NTN1: variants seen among roughly 807,000 people sequenced by gnomAD.
The protein encoded by NTN1 is netrin-1.
NTN1 carries 11 observed loss-of-function variants against 54.2 expected under a neutral mutation model. The observed-to-expected ratio is 0.20, with a 90% CI of 0.13 to 0.34. The LOEUF (loss-of-function observed/expected upper bound fraction) is 0.34. Among genes scored for constraint, NTN1 ranks in the 10% least tolerant of loss-of-function variants. The probability of loss-of-function intolerance (pLI) is 1.00; values close to 1 mark genes in which losing one functional copy is unlikely to be tolerated. For missense variants in NTN1, 740 were observed against 893.1 expected, an observed-to-expected ratio of 0.83 and a Z score of 2.18; for synonymous variants, 371 against 382.0, an observed-to-expected ratio of 0.97 and a Z score of 0.33.
Position 9,165,684 on chromosome 17 carries a change from C to T in NTN1, c.1207+2683C>T, listed in dbSNP as rs2092371307. Among the ~76,000 whole-genome samples the T allele has an allele frequency of 6.6e-6, 1 of 152,132 alleles. No homozygotes were observed. The highest frequency in any genetic ancestry group is 2.4e-5 in the African/African-American group (1 of 41,428). On this transcript the variant is annotated intron_variant, in intron 3 of 6. Coordinates refer to ENST00000173229, the MANE Select transcript of NTN1 (RefSeq NM_004822.3). This position sits in a 1 kb window ranked among gnomAD's most constrained non-coding sequence, Gnocchi z 4.5. ...GTGCCTGTTGACTGGGGAGGAATGA[C>T]AGTGTTTCAAGGAAACTGCCATCAG...
chr17:9,140,276 G>A (rs1456583553), intron 2 of NTN1, among the ~76,000 whole-genome samples: 1 of 152,182 alleles, frequency 6.6e-6, no homozygotes, highest in African/African-American at 2.4e-5. Flanking sequence ...GCGCAGAGCA[G>A]GAGCTCTGAA....
intron 5 of NTN1, among the ~76,000 whole-genome samples, chr17:9,197,101 G>C (rs1306427127): frequency 2.0e-5 from 3 of 151,902 alleles, no homozygotes; most frequent in African/African-American, 7.3e-5. Flanking sequence ...TTGTCCAAAA[G>C]GCATCCTGAG....
intron 2 of NTN1, among the ~76,000 whole-genome samples, chr17:9,114,156 A>ATATATATATATATATATAT (rs1343963464): frequency 3.4e-5 from 3 of 87,266 alleles, no homozygotes; most frequent in African/African-American, 1.3e-4. Flanking sequence ...AAAAAAAGAA[A>ATATATATATATATATATAT]AAAAAAAAAA....
intron 2 of NTN1, among the ~76,000 whole-genome samples, chr17:9,115,951 C>T (rs906756007): frequency 6.6e-6 from 1 of 152,242 alleles, no homozygotes; most frequent in Non-Finnish European, 1.5e-5. Flanking sequence ...AAACATGAGC[C>T]GAAGGGGCGG....
intron 2 of NTN1, among the ~76,000 whole-genome samples, chr17:9,076,261 C>G (rs1316752055): frequency 6.6e-6 from 1 of 152,056 alleles, no homozygotes; most frequent in African/African-American, 2.4e-5. Context: ...CCTCCATCCT[C>G]CATCCACACC....
rs987931657 is a variant in NTN1 at position 9,243,263 on chromosome 17, T to TCACAA, written c.*3297_*3301dup. The stretch of plus-strand genomic sequence containing the variant: ...ATGTGGGAGGGAGGGACACCTGGGG[T>TCACAA]CACAACCCAGGGAGGGAGGGTCACA... On this transcript the variant is annotated 3_prime_UTR_variant, in exon 7 of 7. Coordinates refer to ENST00000173229, the MANE Select transcript of NTN1 (RefSeq NM_004822.3). 3 of 151,350 alleles carry TCACAA rather than the reference T, an allele frequency of 2.0e-5. No homozygotes were observed. The highest frequency in any genetic ancestry group is 3.0e-5 in the Non-Finnish European group (2 of 67,780). The allele number at this position is 151,350 out of a possible 1,614,324, so 9.4% of individuals were successfully genotyped here. A position where few individuals can be genotyped will look rare whatever the true frequency, so the allele number is the denominator to read the frequency against.
chr17:9,097,081 C>G (rs891521874), intron 2 of NTN1, among the ~76,000 whole-genome samples: 1 of 152,194 alleles, frequency 6.6e-6, no homozygotes, highest in African/African-American at 2.4e-5. Context: ...TGCTCCCAAG[C>G]TGTCTATTGT....
chr17:9,239,975 G>C lies in NTN1; in HGVS notation c.*7G>C. The C allele has an allele frequency of 8.1e-7, 1 of 1,238,106 alleles. No homozygotes were observed. The allele number at this position is 1,238,106 out of a possible 1,614,324, so 76.7% of individuals were successfully genotyped here. A position where few individuals can be genotyped will look rare whatever the true frequency, so the allele number is the denominator to read the frequency against. ...CAAGTGCAAGAAGGCCTAGCGCCGAGGCAGCGGGCGGGCGGGCGGGCGGGC... is the reference window on the plus strand; with the variant it reads ...CAAGTGCAAGAAGGCCTAGCGCCGACGCAGCGGGCGGGCGGGCGGGCGGGC... On this transcript the variant is annotated 3_prime_UTR_variant, in exon 7 of 7. Transcript: ENST00000173229. This position sits in a 1 kb window ranked among gnomAD's most constrained non-coding sequence, Gnocchi z 5.2.
chr17:9,215,263 AC>A (rs1384533106), intron 5 of NTN1, among the ~76,000 whole-genome samples: 3 of 139,160 alleles, frequency 2.2e-5, no homozygotes, highest in African/African-American at 7.9e-5. Context: ...ACACACACAC[AC>A]ACACACACAC....
At chr17:9,023,494 G>A in intron 2 of NTN1, 103 bp downstream of exon 2, 1 of 1,267,494 alleles carries the variant, frequency 7.9e-7, no homozygotes, top group Non-Finnish European at 1.0e-6. Context: ...CGAGGGAACG[G>A]CGGGAGGCGC....
intron 5 of NTN1, among the ~76,000 whole-genome samples, chr17:9,209,807 T>A (rs900382960): frequency 6.6e-6 from 1 of 152,130 alleles, no homozygotes; most frequent in South Asian, 2.1e-4. Context: ...TGAGACAGAA[T>A]GTAGCTCAGG....
rs1445661045 is a variant in NTN1 at position 9,104,603 on chromosome 17, G to A, written c.1019-58210G>A. ...GTAGCAATAGGGTCAGCCCTGCTGG[G>A]CACAAGGCTGACCTGCAGGCCCGAC... On this transcript the variant is annotated intron_variant, in intron 2 of 6. Transcript: ENST00000173229. 2.0e-5 allele frequency among the ~76,000 whole-genome samples: 3 copies of A among 152,168 alleles called. No individual in the cohort carries two copies. In the East Asian group the frequency reaches 5.8e-4, roughly 29 times the overall value.
chr17:9,193,935 A>AAAAAAC (rs1597530863), intron 5 of NTN1, among the ~76,000 whole-genome samples: 1 of 123,530 alleles, frequency 8.1e-6, no homozygotes, highest in Non-Finnish European at 1.7e-5. Context: ...AAAAAAAAAA[A>AAAAAAC]AAAAAAAAAC....
intron 3 of NTN1, chr17:9,177,295 C>T (rs2092402651): frequency 6.6e-6 from 1 of 152,298 alleles, no homozygotes; most frequent in Non-Finnish European, 1.5e-5. Context: ...GGTGCCAGCC[C>T]AGGCAGCTAA....
At chr17:9,237,457 G>GTTAA (rs1906029475) in intron 6 of NTN1, among the ~76,000 whole-genome samples, 1 of 152,200 alleles carries the variant, frequency 6.6e-6, no homozygotes, top group Non-Finnish European at 1.5e-5. Context: ...AGTCCAGGGG[G>GTTAA]TTAAGGTGTA....
chr17:9,159,259 GA>G (rs1164444327), intron 2 of NTN1, among the ~76,000 whole-genome samples: 1 of 152,092 alleles, frequency 6.6e-6, no homozygotes, highest in Non-Finnish European at 1.5e-5. Context: ...AATATAAATA[GA>G]AAAACAATAC....
chr17:9,161,179 C>T (rs916856437), intron 2 of NTN1, among the ~76,000 whole-genome samples: 7 of 152,106 alleles, frequency 4.6e-5, no homozygotes, highest in African/African-American at 1.4e-4. Context: ...TGGGTGCCCA[C>T]GCCAGGCTGG....
chr17:9,060,687 G>A (rs34380567), intron 2 of NTN1, among the ~76,000 whole-genome samples: 1 of 151,916 alleles, frequency 6.6e-6, no homozygotes, highest in African/African-American at 2.4e-5. Flanking sequence ...GGATAAAAAG[G>A]AGTAGGCAGC....
chr17:9,168,593 G>A (rs2092379380), intron 3 of NTN1, among the ~76,000 whole-genome samples: 1 of 152,140 alleles, frequency 6.6e-6, no homozygotes, highest in Non-Finnish European at 1.5e-5. Context: ...GCCTGATTAA[G>A]GCACAAGATC....
Sources: allele counts gnomAD v4.1 joint callset (sites outside exome capture counted in the v4.1 genomes callset), GRCh38; gene constraint gnomAD v4.1.1; non-coding constraint Gnocchi (gnomAD v3.1); transcripts MANE v1.5; gene names NCBI Gene and HGNC (gene_info 2026-07-23, HGNC 2026-07-21).